The following JARID2 variants were observed in gnomAD, a reference collection of about 807,000 sequenced individuals.
The protein encoded by JARID2 is jumonji and AT-rich interaction domain containing 2.
In JARID2, 21 loss-of-function variants were observed where a neutral mutation model predicts 125.6. The ratio of observed to expected loss-of-function variants is 0.17; its 90% confidence interval spans 0.12 to 0.24. JARID2 has a LOEUF of 0.24. Ranked by LOEUF, JARID2 falls within the 10% of genes least tolerant of loss-of-function variation. JARID2 has a pLI of 1.00. For missense variants in JARID2, 1,303 were observed against 1,639.6 expected, an observed-to-expected ratio of 0.79 and a Z score of 3.55; for synonymous variants, 736 against 661.6, an observed-to-expected ratio of 1.11 and a Z score of -1.73.
chr6:15,383,497 C>T (rs1764669964), intron 2 of JARID2, among the ~76,000 whole-genome samples: 1 of 152,142 alleles, frequency 6.6e-6, no homozygotes, highest in African/African-American at 2.4e-5. Context: ...AGTAAAGCCT[C>T]CCTTGTTCTT....
intron 1 of JARID2, among the ~76,000 whole-genome samples, chr6:15,296,916 C>T (rs1217033807): frequency 6.6e-6 from 1 of 152,244 alleles, no homozygotes; most frequent in Non-Finnish European, 1.5e-5. Flanking sequence ...CATAGCACCT[C>T]AGGGCTGGCC....
intron 1 of JARID2, among the ~76,000 whole-genome samples, chr6:15,293,290 C>T (rs1266425295): frequency 1.3e-5 from 2 of 152,292 alleles, no homozygotes; most frequent in South Asian, 2.1e-4. Flanking sequence ...TGGTGGGCAC[C>T]TGTAATCCCA....
intron 3 of JARID2, among the ~76,000 whole-genome samples, chr6:15,424,879 C>G (rs1056688803): frequency 6.6e-6 from 1 of 152,158 alleles, no homozygotes; most frequent in Non-Finnish European, 1.5e-5. Flanking sequence ...AAAACAACAA[C>G]AACAACAACA....
chr6:15,307,178 G>T (rs1761858615), intron 1 of JARID2, among the ~76,000 whole-genome samples: 1 of 152,014 alleles, frequency 6.6e-6, no homozygotes, highest in Non-Finnish European at 1.5e-5. Context: ...GGAGGTGGAG[G>T]TTGCAGTGAG....
rs559731936 is a variant in JARID2, at chr6:15,356,740, C to T, written c.46-17377C>T. Among the ~76,000 whole-genome samples, 4 of 152,276 alleles carry T rather than the reference C, an allele frequency of 2.6e-5. No individual in the cohort carries two copies. In the South Asian group the frequency reaches 6.2e-4, roughly 24 times the overall value. On this transcript the variant is annotated intron_variant, in intron 1 of 17. Coordinates refer to ENST00000341776, the MANE Select transcript of JARID2 (RefSeq NM_004973.4). ...TTAAAAAGTTTGTTTTTGGGCTGGG[C>T]GCAGTGGCTTATGCCTGTAATCCCA...
At chr6:15,302,410 G>C (rs559759483) in intron 1 of JARID2, among the ~76,000 whole-genome samples, 2 of 149,934 alleles carry the variant, frequency 1.3e-5, no homozygotes, top group Non-Finnish European at 3.0e-5. Context: ...GCGAGACTCT[G>C]TCTTGGGAAA....
At chr6:15,315,334 A>C (rs1474382945) in intron 1 of JARID2, among the ~76,000 whole-genome samples, 1 of 152,174 alleles carries the variant, frequency 6.6e-6, no homozygotes, top group Admixed American at 6.5e-5. Context: ...GTCCCTTTAG[A>C]ATGCTGTTTG....
rs188229596 is a variant in JARID2 at position 15,354,324 on chromosome 6, C to T, written c.46-19793C>T. On this transcript the variant is annotated intron_variant, in intron 1 of 17. Transcript: ENST00000341776. ...GGCACGGTATTGGATTCTCTCAGAG[C>T]TTGCAGAAAAATCCAGCCTTGCTAA... Among the ~76,000 whole-genome samples the T allele has an allele frequency of 5.0e-3, 761 of 152,308 alleles. 3 individuals are homozygous for T. The highest frequency in any genetic ancestry group is 0.01 in the Middle Eastern group (3 of 294).
chr6:15,512,862 A>C, intron 14 of JARID2, 53 bp from the exon 15 acceptor site: 1 of 1,570,400 alleles, frequency 6.4e-7, no homozygotes, highest in South Asian at 1.2e-5. Flanking sequence ...AAGAACCTTG[A>C]CAGCTGCCTA....
intron 1 of JARID2, among the ~76,000 whole-genome samples, chr6:15,317,015 G>A (rs1762201227): frequency 6.6e-6 from 1 of 151,988 alleles, no homozygotes; most frequent in Non-Finnish European, 1.5e-5. Flanking sequence ...TGTACTTTTG[G>A]TCTAGAATGA....
At chr6:15,361,724 A>G (rs1581456341) in intron 1 of JARID2, among the ~76,000 whole-genome samples, 1 of 152,160 alleles carries the variant, frequency 6.6e-6, no homozygotes, top group African/African-American at 2.4e-5. Context: ...CATAGAGCTA[A>G]ACAACTGCAA....
At chr6:15,467,933 G>T (rs1021073396) in intron 4 of JARID2, among the ~76,000 whole-genome samples, 1 of 152,164 alleles carries the variant, frequency 6.6e-6, no homozygotes, top group African/African-American at 2.4e-5. Context: ...CCGTTGGGAG[G>T]TTTATTTCTT....
At chr6:15,373,050 G>A (rs532130409) in intron 1 of JARID2, among the ~76,000 whole-genome samples, 5 of 152,274 alleles carry the variant, frequency 3.3e-5, no homozygotes, top group African/African-American at 1.2e-4. Flanking sequence ...GCTTAATTAA[G>A]TCTGATGTAG....
intron 3 of JARID2, among the ~76,000 whole-genome samples, chr6:15,437,935 G>GT (rs1417327609): frequency 6.6e-6 from 1 of 152,170 alleles, no homozygotes; most frequent in Non-Finnish European, 1.5e-5. Flanking sequence ...TTTTGGAAAG[G>GT]TAAGTGGGCC....
chr6:15,491,809 A>G (rs1273465511), intron 6 of JARID2, among the ~76,000 whole-genome samples: 1 of 152,002 alleles, frequency 6.6e-6, no homozygotes, highest in Non-Finnish European at 1.5e-5. Flanking sequence ...TGGAGGGGAG[A>G]GATTTTATAT....
rs185134743 is a variant in JARID2, at chr6:15,262,023, G to A, written c.45+15439G>A. ...TTTCAAACTCCTGACCTTGTGATCC[G>A]CCTGCCTCAACCTCCGAAAGTGCTG... On this transcript the variant is annotated intron_variant, in intron 1 of 17. Coordinates refer to ENST00000341776, the MANE Select transcript of JARID2 (RefSeq NM_004973.4). 2.9e-3 allele frequency among the ~76,000 whole-genome samples: 444 copies of A among 151,842 alleles called. 1 individual carries two copies. Among genetic ancestry groups the A allele is most frequent in the Non-Finnish European group, 4.6e-3 (313 of 67,940 alleles).
intron 1 of JARID2, among the ~76,000 whole-genome samples, chr6:15,337,166 C>T (rs1310859085): frequency 6.6e-6 from 1 of 152,208 alleles, no homozygotes; most frequent in Admixed American, 6.5e-5. Flanking sequence ...ACCACCCTAA[C>T]TGCCGATCAA....
At position 15,247,580 on chromosome 6, in the gene JARID2, G is replaced by A. The variant is rs1017978962; in HGVS notation, c.45+996G>A. Reference sequence around the variant, plus strand: ...CAAATGAACATACCTTAGGAATAATGCAACGTAAGAGGAAAGTTTATTTAA... The same window carrying A: ...CAAATGAACATACCTTAGGAATAATACAACGTAAGAGGAAAGTTTATTTAA... On this transcript the variant is annotated intron_variant, in intron 1 of 17. Transcript: ENST00000341776. 3.1e-6 allele frequency: 3 copies of A among 982,990 alleles called. No homozygotes were observed. The African/African-American group carries it at 5.3e-5, about 17-fold the overall frequency. The allele number at this position is 982,990 out of a possible 1,614,324, so 60.9% of individuals were successfully genotyped here.
intron 1 of JARID2, among the ~76,000 whole-genome samples, chr6:15,312,458 A>G (rs1405764014): frequency 5.9e-5 from 9 of 152,206 alleles, no homozygotes; most frequent in African/African-American, 2.2e-4. Context: ...ACATCTGGGT[A>G]TTACCATCCC....
Sources: allele counts gnomAD v4.1 joint callset (sites outside exome capture counted in the v4.1 genomes callset), GRCh38; gene constraint gnomAD v4.1.1; transcripts MANE v1.5; gene names NCBI Gene and HGNC (gene_info 2026-07-23, HGNC 2026-07-21).